The following YWHAH variants were observed in gnomAD, a reference collection of about 807,000 sequenced individuals.
YWHAH encodes tyrosine 3-monooxygenase/tryptophan 5-monooxygenase activation protein eta.
A neutral mutation model predicts 22.9 loss-of-function variants in YWHAH; 6 were observed. That is an observed-to-expected ratio of 0.26 (90% CI 0.14 to 0.52). The LOEUF (loss-of-function observed/expected upper bound fraction) is 0.52, where lower values mean the gene tolerates loss of function less well. YWHAH is among the 20% of genes least tolerant of loss of function. The pLI is 0.97. For synonymous variants in YWHAH, 135 were observed against 124.5 expected (o/e 1.08, Z -0.56); for missense variants, 173 against 308.6 (o/e 0.56, Z 3.29).
At position 31,956,794 on chromosome 22, in the gene YWHAH, G is replaced by A; in HGVS notation, c.*2G>A. 1 of 1,581,794 alleles carries A rather than the reference G, an allele frequency of 6.3e-7. No homozygotes were observed. Among genetic ancestry groups the A allele is most frequent in the Non-Finnish European group, 8.6e-7 (1 of 1,163,504 alleles). ...GAAGAAGCAGGAGAAGGCAACTGAAGATCCTTCAGGTCCCCTGGCCCTTCC... is the reference window on the plus strand; with the variant it reads ...GAAGAAGCAGGAGAAGGCAACTGAAAATCCTTCAGGTCCCCTGGCCCTTCC... On this transcript the variant is annotated 3_prime_UTR_variant, in exon 2 of 2. Coordinates refer to ENST00000248975, the MANE Select transcript of YWHAH (RefSeq NM_003405.4). This position sits in a 1 kb window ranked among gnomAD's most constrained non-coding sequence, Gnocchi z 5.1.
intron 1 of YWHAH, chr22:31,950,516 ATT>A: frequency 1.5e-6 from 1 of 651,916 alleles, no homozygotes. Context: ...CAGTAATGCC[ATT>A]CAGATGGTGT....
At chr22:31,948,559 T>G (rs1208974795) in intron 1 of YWHAH, among the ~76,000 whole-genome samples, 1 of 152,084 alleles carries the variant, frequency 6.6e-6, no homozygotes. Context: ...TTAAATTGTA[T>G]AGACAGGATC....
intron 1 of YWHAH, among the ~76,000 whole-genome samples, chr22:31,949,151 T>C (rs2093839336): frequency 6.8e-6 from 1 of 147,984 alleles, no homozygotes; most frequent in African/African-American, 2.5e-5. Flanking sequence ...TTTTTTTTTT[T>C]TTTTTTTGAG....
chr22:31,944,753 T>A lies in YWHAH; in HGVS notation c.20T>A (p.Leu7Gln), dbSNP rs1160678708. 1.4e-6 allele frequency: 2 copies of A among 1,417,644 alleles called. No homozygotes were observed. The highest frequency in any genetic ancestry group is 1.9e-6 in the Non-Finnish European group (2 of 1,079,560). 87.8% of individuals were successfully genotyped at this position (1,417,644 alleles called of 1,614,324 possible). The change falls in exon 1 of 2, where the codon CTG becomes CAG. Residue 7 changes from leucine (L) to glutamine (Q), a missense_variant. Coordinates refer to ENST00000248975, the MANE Select transcript of YWHAH (RefSeq NM_003405.4). ...AGCGACATGGGGGACCGGGAGCAGC[T>A]GCTGCAGCGGGCGCGGCTGGCCGAG... MGDREQLLQRARLAEQA... is the reference protein window; with the variant it reads MGDREQQLQRARLAEQA...
chr22:31,946,065 G>C (rs949290152), intron 1 of YWHAH, among the ~76,000 whole-genome samples: 2 of 152,182 alleles, frequency 1.3e-5, no homozygotes, highest in Admixed American at 6.5e-5. Context: ...CAATATTTAG[G>C]ATTGTTCAGG....
At chr22:31,946,374 A>C (rs2093834671) in intron 1 of YWHAH, among the ~76,000 whole-genome samples, 1 of 152,206 alleles carries the variant, frequency 6.6e-6, no homozygotes, top group African/African-American at 2.4e-5. Flanking sequence ...AGGGACCCTG[A>C]ACCTTAATTT....
At chr22:31,950,327 C>G (rs1434732405) in intron 1 of YWHAH, 6 of 779,130 alleles carry the variant, frequency 7.7e-6, no homozygotes, top group Non-Finnish European at 1.4e-5. Context: ...AAAATTCCTC[C>G]TAGTGTCCAA....
At chr22:31,952,156 C>G (rs2093844140) in intron 1 of YWHAH, among the ~76,000 whole-genome samples, 1 of 152,184 alleles carries the variant, frequency 6.6e-6, no homozygotes, top group Non-Finnish European at 1.5e-5. Context: ...GCTTCATGTT[C>G]CTGATTTGTG....
intron 1 of YWHAH, among the ~76,000 whole-genome samples, chr22:31,949,974 C>T (rs1004883701): frequency 1.4e-5 from 2 of 146,560 alleles, no homozygotes; most frequent in African/African-American, 5.0e-5. Context: ...TTTCCAAATA[C>T]GATTAAGAAC....
intron 1 of YWHAH, among the ~76,000 whole-genome samples, chr22:31,952,223 C>T (rs1433597652): frequency 6.6e-6 from 1 of 152,310 alleles, no homozygotes; most frequent in Non-Finnish European, 1.5e-5. Context: ...GTAGCATGGT[C>T]GGGGCCTGGA....
intron 1 of YWHAH, chr22:31,945,273 C>A (rs1172686027): frequency 2.6e-6 from 3 of 1,154,368 alleles, no homozygotes; most frequent in Non-Finnish European, 3.3e-6. Context: ...TTCTCTGCCA[C>A]GACCTGAAGT....
chr22:31,947,143 G>A (rs1251011038), intron 1 of YWHAH, among the ~76,000 whole-genome samples: 1 of 152,168 alleles, frequency 6.6e-6, no homozygotes, highest in Non-Finnish European at 1.5e-5. Context: ...TAAGGCTTTT[G>A]GAAAGGGTGT....
chr22:31,951,020 G>C (rs1415857256), intron 1 of YWHAH, among the ~76,000 whole-genome samples: 1 of 152,132 alleles, frequency 6.6e-6, no homozygotes, highest in Non-Finnish European at 1.5e-5. Flanking sequence ...TCCCACCCAA[G>C]TAGCTGGGAT....
chr22:31,954,737 T>A (rs2093847427), intron 1 of YWHAH, among the ~76,000 whole-genome samples: 1 of 152,154 alleles, frequency 6.6e-6, no homozygotes, highest in Non-Finnish European at 1.5e-5. Context: ...CACTGTCACA[T>A]GGCATTCTTC....
chr22:31,946,345 A>T (rs2149466304), intron 1 of YWHAH, among the ~76,000 whole-genome samples: 1 of 152,302 alleles, frequency 6.6e-6, no homozygotes, highest in South Asian at 2.1e-4. Flanking sequence ...AATGGGACTG[A>T]CGAATGCATT....
chr22:31,956,933 T>C lies in YWHAH; in HGVS notation c.*141T>C. ...TACTCAGATCTGCACTCCTGTCTCT[T>C]GGGAAGCAGTTTCAGATAAATCATG... On this transcript the variant is annotated 3_prime_UTR_variant, in exon 2 of 2. Coordinates refer to ENST00000248975, the MANE Select transcript of YWHAH (RefSeq NM_003405.4). The surrounding 1 kb of genome is among the most constrained non-coding windows in gnomAD (Gnocchi z 5.1). 1 of 1,106,442 alleles carries C rather than the reference T, an allele frequency of 9.0e-7. No individual in the cohort carries two copies. The highest frequency in any genetic ancestry group is 1.3e-6 in the Non-Finnish European group (1 of 798,254). 68.5% of individuals were successfully genotyped at this position (1,106,442 alleles called of 1,614,324 possible). A position where few individuals can be genotyped will look rare whatever the true frequency, so the allele number is the denominator to read the frequency against.
chr22:31,955,695 G>T, intron 1 of YWHAH, among the ~76,000 whole-genome samples: 1 of 152,106 alleles, frequency 6.6e-6, no homozygotes, highest in East Asian at 1.9e-4. Flanking sequence ...CCCGCCCTTG[G>T]CCTCCTGAAG....
At chr22:31,950,515 C>T (rs2093841860) in intron 1 of YWHAH, 5 of 652,490 alleles carry the variant, frequency 7.7e-6, no homozygotes, top group Non-Finnish European at 1.4e-5. Flanking sequence ...GCAGTAATGC[C>T]ATTCAGATGG....
At chr22:31,949,031 A>G (rs2093839041) in intron 1 of YWHAH, among the ~76,000 whole-genome samples, 1 of 152,168 alleles carries the variant, frequency 6.6e-6, no homozygotes. Flanking sequence ...TATCAGTGAC[A>G]GACTGTAGCG....
Sources: allele counts gnomAD v4.1 joint callset (sites outside exome capture counted in the v4.1 genomes callset), GRCh38; gene constraint gnomAD v4.1.1; non-coding constraint Gnocchi (gnomAD v3.1); transcripts MANE v1.5; gene names NCBI Gene and HGNC (gene_info 2026-07-23, HGNC 2026-07-21).